KLB: variants seen among roughly 807,000 people sequenced by gnomAD.
KLB encodes the protein klotho beta.
A neutral mutation model predicts 88.4 loss-of-function variants in KLB; 44 were observed. That is an observed-to-expected ratio of 0.50 (90% CI 0.39 to 0.64). KLB has a LOEUF of 0.64. Among genes scored for constraint, KLB ranks in the 30% least tolerant of loss-of-function variants. KLB has a pLI of 0.00. For synonymous variants in KLB, 548 were observed against 513.4 expected (o/e 1.07, Z -0.91); for missense variants, 1,137 against 1,304.8 (o/e 0.87, Z 1.98).
chr4:39,408,935 A>G (rs1353781226), intron 1 of KLB, among the ~76,000 whole-genome samples: 2 of 143,540 alleles, frequency 1.4e-5, no homozygotes, highest in African/African-American at 5.1e-5. Context: ...CAAAAGCTAA[A>G]TATACAGAAG....
At chr4:39,427,337 G>T (rs1335705532) in intron 1 of KLB, among the ~76,000 whole-genome samples, 1 of 152,054 alleles carries the variant, frequency 6.6e-6, no homozygotes, top group African/African-American at 2.4e-5. Context: ...ACAAAAATTA[G>T]CTGGGCGTGG....
intron 1 of KLB, among the ~76,000 whole-genome samples, chr4:39,414,732 G>A (rs979064741): frequency 3.3e-5 from 5 of 151,428 alleles, no homozygotes; most frequent in African/African-American, 7.3e-5. Flanking sequence ...AGCCAGGCGC[G>A]ATGGTGGGTG....
rs941219966 is a variant in KLB, at chr4:39,450,254, C to T, written c.*1568C>T. On this transcript the variant is annotated 3_prime_UTR_variant, in exon 5 of 5. Transcript: ENST00000257408. ...TATACCTATTCTTTCTTTAGGTCAA[C>T]ATTTAACACCCACTGCATACATTAA... The T allele has an allele frequency of 8.5e-5, 13 of 152,184 alleles. No homozygotes were observed. The highest frequency in any genetic ancestry group is 2.9e-4 in the African/African-American group (12 of 41,426). 9.4% of individuals were successfully genotyped at this position (152,184 alleles called of 1,614,324 possible). A position where few individuals can be genotyped will look rare whatever the true frequency, so the allele number is the denominator to read the frequency against.
chr4:39,434,839 C>A, intron 2 of KLB, 119 bp downstream of exon 2: 2 of 795,248 alleles, frequency 2.5e-6, no homozygotes, highest in Non-Finnish European at 3.9e-6. Context: ...CGGAGTTTCT[C>A]GCTGTCTCCC....
Position 39,448,348 on chromosome 4 carries a change from C to G in KLB, c.2797C>G (p.Leu933Val). The G allele has an allele frequency of 1.9e-6, 3 of 1,612,198 alleles. No homozygotes were observed. The highest frequency in any genetic ancestry group is 2.5e-6 in the Non-Finnish European group (3 of 1,178,552). Residue 933 changes from leucine to valine, a missense_variant, in exon 5 of 5, where the codon CTG (leucine) becomes GTG (valine). This residue lies in a region of KLB where 426 missense variants were observed against 404.6 expected (regional missense o/e 1.05). Transcript: ENST00000257408. The stretch of plus-strand genomic sequence containing the variant: ...AATCAAAGGCTATTATGCATTCAAA[C>G]TGGCTGAAGAGAAATCTAAACCCAG... ...VRIKGYYAFK[L>V]AEEKSKPRFG...
chr4:39,407,573 G>A lies in KLB; in HGVS notation c.624G>A (p.Gly208=), dbSNP rs765099477. ...LPLALQEKYG[G]WKNDTIIDIF... ...TGGCACTACAAGAAAAATATGGGGG[G>A]TGGAAAAATGATACCATAATAGATA... The change falls in exon 1 of 5, where the codon GGG becomes GGA. Residue 208 remains glycine (G), a synonymous_variant. Coordinates refer to ENST00000257408, the MANE Select transcript of KLB (RefSeq NM_175737.4). 4.6e-5 allele frequency: 75 copies of A among 1,613,880 alleles called. No individual in the cohort carries two copies. The highest frequency in any genetic ancestry group is 4.2e-4 in the South Asian group (38 of 91,082).
chr4:39,413,559 T>C (rs1273684313), intron 1 of KLB, among the ~76,000 whole-genome samples: 1 of 151,572 alleles, frequency 6.6e-6, no homozygotes, highest in Non-Finnish European at 1.5e-5. Context: ...ACCTTGTCTC[T>C]ACAAAAAATA....
intron 3 of KLB, chr4:39,441,786 A>ATAAG (rs1440339516): frequency 6.6e-6 from 1 of 151,126 alleles, no homozygotes; most frequent in Admixed American, 6.6e-5. Context: ...AAATAAATAA[A>ATAAG]TAAATAAATA....
At chr4:39,447,811 G>A (rs1363465412) in intron 4 of KLB, among the ~76,000 whole-genome samples, 2 of 152,168 alleles carry the variant, frequency 1.3e-5, no homozygotes, top group Non-Finnish European at 2.9e-5. Flanking sequence ...TGGGTAAACA[G>A]GTGTATAAAT....
At chr4:39,443,701 C>T (rs1433514469) in intron 3 of KLB, among the ~76,000 whole-genome samples, 2 of 141,778 alleles carry the variant, frequency 1.4e-5, no homozygotes, top group Admixed American at 1.5e-4. Context: ...ACGGAGGTTG[C>T]AGTGAGCCAA....
intron 4 of KLB, among the ~76,000 whole-genome samples, chr4:39,447,896 AC>A (rs1190848643): frequency 6.7e-6 from 1 of 149,284 alleles, no homozygotes; most frequent in Non-Finnish European, 1.5e-5. Flanking sequence ...TAAGCGAGCG[AC>A]AGTGAGTGAG....
At chr4:39,420,970 A>G (rs1354586555) in intron 1 of KLB, among the ~76,000 whole-genome samples, 1 of 152,206 alleles carries the variant, frequency 6.6e-6, no homozygotes, top group Non-Finnish European at 1.5e-5. Flanking sequence ...TCAATGTTCA[A>G]ATTTTTTTCT....
rs1743809149 is a variant in KLB at position 39,448,362 on chromosome 4, A to C, written c.2811A>C (p.Lys937Asn). 1 of 1,613,490 alleles carries C rather than the reference A, an allele frequency of 6.2e-7. No homozygotes were observed. The highest frequency in any genetic ancestry group is 1.1e-5 in the South Asian group (1 of 91,048). Residue 937 changes from lysine (K) to asparagine (N), a missense_variant, in exon 5 of 5, where the codon AAA becomes AAC. By Grantham distance (94) the Lys-to-Asn change is moderately conservative (BLOSUM62 0). Coordinates refer to ENST00000257408, the MANE Select transcript of KLB (RefSeq NM_175737.4). ...ATGCATTCAAACTGGCTGAAGAGAA[A>C]TCTAAACCCAGATTTGGATTCTTCA... ...GYYAFKLAEE[K>N]SKPRFGFFTS...
At chr4:39,443,276 A>C (rs766587680) in intron 3 of KLB, among the ~76,000 whole-genome samples, 4 of 151,752 alleles carry the variant, frequency 2.6e-5, no homozygotes, top group Non-Finnish European at 5.9e-5. Context: ...TAATCCCAGC[A>C]CTTTGAGAGG....
In KLB at chr4:39,434,236, C is replaced by T. The variant is rs772900112; in HGVS notation, c.852C>T (p.Tyr284=). The T allele has an allele frequency of 2.4e-5, 39 of 1,611,496 alleles. No homozygotes were observed. In the South Asian group the frequency reaches 3.6e-4, roughly 15 times the overall value. Residue 284 remains tyrosine (Y), a synonymous_variant, in exon 2 of 5, where the codon TAC becomes TAT. Transcript: ENST00000257408. Reference sequence around the variant, plus strand: ...CTCACTCGAAAGTTTGGCATAACTACAACACACATTTCCGCCCACATCAGA... The same window carrying T: ...CTCACTCGAAAGTTTGGCATAACTATAACACACATTTCCGCCCACATCAGA... ...IKAHSKVWHN[Y]NTHFRPHQKG...
intron 1 of KLB, among the ~76,000 whole-genome samples, chr4:39,418,776 C>T (rs1296296441): frequency 2.0e-5 from 3 of 151,020 alleles, no homozygotes; most frequent in Admixed American, 6.6e-5. Context: ...GGTGAAATCC[C>T]GTCTCTACTA....
Position 39,407,733 on chromosome 4 carries a change from A to C in KLB, c.784A>C (p.Asn262His). 1 of 1,606,820 alleles carries C rather than the reference A, an allele frequency of 6.2e-7. No individual in the cohort carries two copies. ...TGMHAPGEKG[N>H]LAAVYTVGHN... ...TATGCATGCCCCTGGAGAGAAGGGA[A>C]ATTTAGCAGCTGTCTACACTGTGGG... The change falls in exon 1 of 5, where the codon AAT becomes CAT. Residue 262 changes from asparagine (N) to histidine (H), a missense_variant. Asn to His is a moderately conservative substitution (Grantham distance 68). This residue lies in a region of KLB where 597 missense variants were observed against 765.2 expected (regional missense o/e 0.78). Coordinates refer to ENST00000257408, the MANE Select transcript of KLB (RefSeq NM_175737.4).
rs573564309 is a variant in KLB at position 39,424,182 on chromosome 4, C to A, written c.826-10028C>A. Among the ~76,000 whole-genome samples the A allele has an allele frequency of 5.5e-4, 84 of 151,736 alleles. 1 individual carries two copies. Among genetic ancestry groups the A allele is most frequent in the African/African-American group, 2.0e-3 (82 of 41,096 alleles). The stretch of plus-strand genomic sequence containing the variant: ...CCTCCGTGGGCTCAGGTGATCCTCC[C>A]ACCTCAGCCTCCTGAGTAGCTGGGA... On this transcript the variant is annotated intron_variant, in intron 1 of 4. Coordinates refer to ENST00000257408, the MANE Select transcript of KLB (RefSeq NM_175737.4).
At chr4:39,436,180 A>AT (rs1299285772) in intron 2 of KLB, among the ~76,000 whole-genome samples, 1 of 152,192 alleles carries the variant, frequency 6.6e-6, no homozygotes, top group Non-Finnish European at 1.5e-5. Context: ...ATATTAAGGA[A>AT]TTCTCCATGG....
Sources: allele counts gnomAD v4.1 joint callset (sites outside exome capture counted in the v4.1 genomes callset), GRCh38; gene constraint gnomAD v4.1.1; regional missense constraint gnomAD v4.1.1; transcripts MANE v1.5; gene names NCBI Gene and HGNC (gene_info 2026-07-23, HGNC 2026-07-21).